SIPA1L1: variants seen among roughly 807,000 people sequenced by gnomAD.
SIPA1L1 encodes the protein signal-induced proliferation-associated 1-like protein 1.
Under a neutral mutation model 162.7 loss-of-function variants are expected in SIPA1L1, and 26 were observed. The observed-to-expected ratio is 0.16, with a 90% confidence interval of 0.12 to 0.22. The LOEUF (loss-of-function observed/expected upper bound fraction) is 0.22. Ranked by LOEUF, SIPA1L1 falls within the 10% of genes least tolerant of loss-of-function variation. SIPA1L1 has a pLI of 1.00. For synonymous variants in SIPA1L1, 829 were observed against 837.4 expected (o/e 0.99, Z 0.17); for missense variants, 1,874 against 2,241.0 (o/e 0.84, Z 3.31).
intron 4 of SIPA1L1, among the ~76,000 whole-genome samples, chr14:71,530,443 A>G (rs921013489): frequency 6.6e-6 from 1 of 151,882 alleles, no homozygotes; most frequent in Non-Finnish European, 1.5e-5. Flanking sequence ...TTGCATAGGT[A>G]GGTGCATATT....
intron 7 of SIPA1L1, among the ~76,000 whole-genome samples, chr14:71,638,707 A>C (rs2041409986): frequency 6.6e-6 from 1 of 152,252 alleles, no homozygotes; most frequent in East Asian, 1.9e-4. Context: ...GTGGAAAAAT[A>C]AAACTCCCTA....
chr14:71,376,753 G>A (rs936733580), intron 2 of SIPA1L1, among the ~76,000 whole-genome samples: 1 of 152,068 alleles, frequency 6.6e-6, no homozygotes, highest in African/African-American at 2.4e-5. Flanking sequence ...TGAGATTAGG[G>A]AGTGGTGATG....
chr14:71,733,648 C>G lies in SIPA1L1; in HGVS notation c.4862-18C>G. 6.2e-7 allele frequency: 1 copy of G among 1,611,440 alleles called. No individual in the cohort carries two copies. The highest frequency in any genetic ancestry group is 1.3e-5 in the African/African-American group (1 of 74,998). ...CCACAGGCACAAGAAGCATCTCATT[C>G]CTCCTCCCTTCCCGCAGGAGAGTTC... On this transcript the variant is annotated intron_variant, in intron 20 of 23. Coordinates refer to ENST00000381232, the MANE Select transcript of SIPA1L1 (RefSeq NM_001386936.1).
intron 12 of SIPA1L1, among the ~76,000 whole-genome samples, chr14:71,684,948 C>A (rs1027117300): frequency 6.6e-6 from 1 of 152,086 alleles, no homozygotes; most frequent in Non-Finnish European, 1.5e-5. Context: ...TGCTCATACA[C>A]CCTTTCAGAA....
chr14:71,486,376 A>T (rs1014123848), intron 2 of SIPA1L1, among the ~76,000 whole-genome samples: 3 of 152,236 alleles, frequency 2.0e-5, no homozygotes, highest in Non-Finnish European at 4.4e-5. Context: ...CTTTGTCCCC[A>T]AATCCACAGG....
chr14:71,535,640 C>A (rs2053829815), intron 4 of SIPA1L1, among the ~76,000 whole-genome samples: 1 of 151,428 alleles, frequency 6.6e-6, no homozygotes, highest in Non-Finnish European at 1.5e-5. Flanking sequence ...GAGACAGAGT[C>A]TCAGTCTGTC....
intron 5 of SIPA1L1, 26 bp from the exon 6 acceptor site, chr14:71,618,731 C>T: frequency 6.2e-7 from 1 of 1,603,150 alleles, no homozygotes; most frequent in Non-Finnish European, 8.5e-7. Flanking sequence ...GATTTTCTAA[C>T]TTTGTTTTGT....
At chr14:71,686,580 G>A (rs971613141) in intron 13 of SIPA1L1, among the ~76,000 whole-genome samples, 5 of 151,708 alleles carry the variant, frequency 3.3e-5, no homozygotes, top group Non-Finnish European at 5.9e-5. Flanking sequence ...GTCTCACTCT[G>A]TCATCCAGGC....
chr14:71,502,255 A>ATATATATATAT (rs1555440997), intron 2 of SIPA1L1, among the ~76,000 whole-genome samples: 165 of 97,494 alleles, frequency 1.7e-3, no homozygotes, highest in African/African-American at 6.3e-3. Flanking sequence ...AAAAAAAAAA[A>ATATATATATAT]ATATATATAT....
intron 2 of SIPA1L1, among the ~76,000 whole-genome samples, chr14:71,332,868 T>A (rs1263331159): frequency 6.6e-6 from 1 of 152,218 alleles, no homozygotes; most frequent in Non-Finnish European, 1.5e-5. Flanking sequence ...CTGTAAAAAT[T>A]CTATAAATTT....
intron 12 of SIPA1L1, among the ~76,000 whole-genome samples, chr14:71,676,761 A>T (rs559115969): frequency 8.2e-4 from 125 of 151,810 alleles, no homozygotes; most frequent in African/African-American, 2.9e-3. Context: ...TTTGCTGAGA[A>T]TGATGGTTTC....
chr14:71,326,159 A>G (rs1284626403), intron 2 of SIPA1L1, among the ~76,000 whole-genome samples: 1 of 151,658 alleles, frequency 6.6e-6, no homozygotes, highest in Non-Finnish European at 1.5e-5. Context: ...CCTTTTACCA[A>G]AGCTATGAAC....
At chr14:71,532,280 A>G (rs893580386) in intron 4 of SIPA1L1, among the ~76,000 whole-genome samples, 3 of 152,002 alleles carry the variant, frequency 2.0e-5, no homozygotes, top group Non-Finnish European at 2.9e-5. Context: ...CCTATTGAAA[A>G]TTTTCTTTGA....
chr14:71,639,570 ATTATTCTAAAGT>A (rs1166306170), intron 7 of SIPA1L1, among the ~76,000 whole-genome samples: 1 of 152,180 alleles, frequency 6.6e-6, no homozygotes, highest in Non-Finnish European at 1.5e-5. Context: ...TATAGACAAG[ATTATTCTAAAGT>A]TTACATGAAA....
At chr14:71,661,125 C>T (rs992904942) in intron 9 of SIPA1L1, among the ~76,000 whole-genome samples, 185 bp from the exon 10 acceptor site, 1 of 152,116 alleles carries the variant, frequency 6.6e-6, no homozygotes, top group South Asian at 2.1e-4. Context: ...TCAGAATGTT[C>T]GTTTCTATGT....
At chr14:71,686,674 G>C (rs1340258059) in intron 13 of SIPA1L1, among the ~76,000 whole-genome samples, 2 of 152,086 alleles carry the variant, frequency 1.3e-5, no homozygotes, top group Non-Finnish European at 2.9e-5. Context: ...CTCCCAAGTA[G>C]CTGGGATTAC....
intron 2 of SIPA1L1, among the ~76,000 whole-genome samples, chr14:71,457,063 A>T (rs949284165): frequency 6.0e-5 from 9 of 150,920 alleles, no homozygotes; most frequent in African/African-American, 2.2e-4. Flanking sequence ...ATTACAGTAA[A>T]TATCTTTTAA....
intron 5 of SIPA1L1, among the ~76,000 whole-genome samples, chr14:71,606,746 G>A (rs1567299598): frequency 6.6e-6 from 1 of 152,080 alleles, no homozygotes; most frequent in Non-Finnish European, 1.5e-5. Context: ...AACCAAGCAG[G>A]TTCAATTTCC....
At chr14:71,527,937 G>A (rs1483570007) in intron 3 of SIPA1L1, among the ~76,000 whole-genome samples, 1 of 152,130 alleles carries the variant, frequency 6.6e-6, no homozygotes, top group Non-Finnish European at 1.5e-5. Flanking sequence ...CAGGCTGGAG[G>A]AGTGCAGCAG....
Sources: allele counts gnomAD v4.1 joint callset (sites outside exome capture counted in the v4.1 genomes callset), GRCh38; gene constraint gnomAD v4.1.1; transcripts MANE v1.5; gene names NCBI Gene and HGNC (gene_info 2026-07-23, HGNC 2026-07-21).